SEM1: variants seen among roughly 807,000 people sequenced by gnomAD.
The protein encoded by SEM1 is SEM1 26S proteasome subunit, also known as 26S proteasome complex subunit SEM1.
Under a neutral mutation model 12.7 loss-of-function variants are expected in SEM1, and 3 were observed. The ratio of observed to expected loss-of-function variants is 0.24; its 90% CI spans 0.11 to 0.61. SEM1 has a LOEUF of 0.61. SEM1 is among the 20% of genes least tolerant of loss of function. SEM1 has a pLI of 0.88. For missense variants in SEM1, 59 were observed against 81.3 expected, an observed-to-expected ratio of 0.73 and a Z score of 1.06; for synonymous variants, 30 against 27.8, an observed-to-expected ratio of 1.08 and a Z score of -0.25.
In SEM1 at chr7:96,664,891, A is replaced by G. The variant is rs1031993918; in HGVS notation, c.170+29907T>C. On this transcript the variant is annotated intron_variant, in intron 2 of 2. Coordinates refer to the SEM1 transcript ENST00000417009. The stretch of plus-strand genomic sequence containing the variant: ...GAAATAATGAATAAACCACAGATAC[A>G]CGAAATAAAATGCTAACACCCACAA... Among the ~76,000 whole-genome samples, 5 of 152,342 alleles carry G rather than the reference A, an allele frequency of 3.3e-5. No individual in the cohort carries two copies. In the South Asian group the frequency reaches 1.0e-3, roughly 32 times the overall value.
intron 2 of SEM1, among the ~76,000 whole-genome samples, chr7:96,584,503 G>C (rs1806539045): frequency 1.3e-5 from 2 of 151,990 alleles, no homozygotes; most frequent in African/African-American, 4.8e-5. Context: ...TCCTGAATCT[G>C]AACGTTGGCC....
intron 3 of SEM1, among the ~76,000 whole-genome samples, chr7:96,505,390 C>T (rs2117280083): frequency 6.6e-6 from 1 of 152,236 alleles, no homozygotes; most frequent in South Asian, 2.1e-4. Context: ...AGGTGTGAGC[C>T]ACTGTGCCTG....
At chr7:96,652,768 T>A (rs12216616) in intron 2 of SEM1, among the ~76,000 whole-genome samples, 2 of 152,066 alleles carry the variant, frequency 1.3e-5, no homozygotes, top group Non-Finnish European at 2.9e-5. Context: ...GTTAATTGTG[T>A]GAATTAAAAC....
At chr7:96,589,143 G>A (rs1433566120) in intron 2 of SEM1, among the ~76,000 whole-genome samples, 1 of 152,190 alleles carries the variant, frequency 6.6e-6, no homozygotes, top group East Asian at 1.9e-4. Flanking sequence ...GAGGCCTGTT[G>A]ACCTGGTCTC....
Position 96,622,641 on chromosome 7 carries a change from GC to G in SEM1, c.172del (p.Ala58LeufsTer?), listed in dbSNP as rs780707045. The G allele has an allele frequency of 2.6e-6, 2 of 764,646 alleles. No homozygotes were observed. Among genetic ancestry groups the G allele is most frequent in the Admixed American group, 3.4e-5 (2 of 58,972 alleles). The allele number at this position is 764,646 out of a possible 1,614,324, so 47.4% of individuals were successfully genotyped here. A position where few individuals can be genotyped will look rare whatever the true frequency, so the allele number is the denominator to read the frequency against. ...CTATTCCTCCAGTTCACTGTATCCA[GC>G]CCTGGAAAAATTAGAAAGTAGGTGA... is the stretch of plus-strand genomic sequence containing the variant. On this transcript the variant is annotated frameshift_variant and splice_region_variant, in exon 3 of 3. Coordinates refer to the SEM1 transcript ENST00000417009. LOFTEE classifies it high-confidence loss of function.
intron 2 of SEM1, among the ~76,000 whole-genome samples, chr7:96,648,859 G>A (rs1390313606): frequency 6.6e-6 from 1 of 152,226 alleles, no homozygotes; most frequent in African/African-American, 2.4e-5. Context: ...CCTAGGGGTG[G>A]GGCGTGGTGC....
chr7:96,556,026 TG>T (rs1805482952), intron 2 of SEM1, among the ~76,000 whole-genome samples: 1 of 143,646 alleles, frequency 7.0e-6, no homozygotes, highest in Non-Finnish European at 1.6e-5. Context: ...TGCCTTTTTT[TG>T]TTTTCCATTT....
intron 2 of SEM1, among the ~76,000 whole-genome samples, chr7:96,608,891 A>C (rs1807462372): frequency 6.6e-6 from 1 of 152,300 alleles, no homozygotes; most frequent in East Asian, 1.9e-4. Context: ...ATTTGTGTAC[A>C]CATTTTTGTG....
At chr7:96,571,240 T>G (rs1431720172) in intron 2 of SEM1, among the ~76,000 whole-genome samples, 1 of 152,186 alleles carries the variant, frequency 6.6e-6, no homozygotes, top group East Asian at 1.9e-4. Flanking sequence ...TGGCTTTTGT[T>G]GCCATGCTTT....
intron 2 of SEM1, among the ~76,000 whole-genome samples, chr7:96,514,469 ATAAAAC>A (rs1804028522): frequency 6.6e-6 from 1 of 152,146 alleles, no homozygotes; most frequent in Non-Finnish European, 1.5e-5. Context: ...GAAAGAAGAA[ATAAAAC>A]TGTCTTTCTT....
chr7:96,497,892 C>T (rs1275498778), upstream of SEM1, among the ~76,000 whole-genome samples: 1 of 152,154 alleles, frequency 6.6e-6, no homozygotes, highest in Admixed American at 6.5e-5. Context: ...ATTATATTCT[C>T]TATGTGCTAA....
chr7:96,633,749 C>G (rs1808344061), intron 2 of SEM1, among the ~76,000 whole-genome samples: 2 of 152,022 alleles, frequency 1.3e-5, no homozygotes, highest in Non-Finnish European at 2.9e-5. Flanking sequence ...CAAGAATACT[C>G]ATCATTATTG....
At chr7:96,613,791 T>A (rs1396936272) in intron 2 of SEM1, among the ~76,000 whole-genome samples, 1 of 152,254 alleles carries the variant, frequency 6.6e-6, no homozygotes, top group African/African-American at 2.4e-5. Flanking sequence ...AGTGATGTCA[T>A]ACACTATTTG....
intron 2 of SEM1, among the ~76,000 whole-genome samples, chr7:96,677,882 C>T (rs1377244932): frequency 2.0e-4 from 30 of 152,072 alleles, no homozygotes; most frequent in Non-Finnish European, 1.5e-5. Flanking sequence ...CCAATGTCCA[C>T]TATGGTATTT....
At chr7:96,499,369 C>T (rs751672808), upstream of SEM1, among the ~76,000 whole-genome samples, 3 of 152,124 alleles carry the variant, frequency 2.0e-5, no homozygotes, top group South Asian at 2.1e-4. Flanking sequence ...CTGAGACTCT[C>T]ATAAGTAGAT....
At chr7:96,674,547 C>G (rs1284577994) in intron 2 of SEM1, among the ~76,000 whole-genome samples, 1 of 151,724 alleles carries the variant, frequency 6.6e-6, no homozygotes, top group Non-Finnish European at 1.5e-5. Flanking sequence ...GCCTGTGGTC[C>G]CAGAAGATAC....
intron 2 of SEM1, among the ~76,000 whole-genome samples, chr7:96,601,966 C>G (rs909885683): frequency 6.6e-6 from 1 of 152,082 alleles, no homozygotes; most frequent in Non-Finnish European, 1.5e-5. Context: ...TGCAGAGTTT[C>G]TGGAATTTCT....
intron 2 of SEM1, among the ~76,000 whole-genome samples, chr7:96,584,968 C>G (rs546126603): frequency 6.6e-6 from 1 of 151,434 alleles, no homozygotes; most frequent in African/African-American, 2.4e-5. Flanking sequence ...TCTCTCAGCT[C>G]GTCAAAGTCA....
At chr7:96,577,597 A>C (rs190326678) in intron 2 of SEM1, among the ~76,000 whole-genome samples, 1 of 152,264 alleles carries the variant, frequency 6.6e-6, no homozygotes, top group East Asian at 1.9e-4. Context: ...AAGCCTTTAC[A>C]TGGATTTGGG....
Sources: allele counts gnomAD v4.1 joint callset (sites outside exome capture counted in the v4.1 genomes callset), GRCh38; gene constraint gnomAD v4.1.1; transcripts MANE v1.5; gene names NCBI Gene and HGNC (gene_info 2026-07-23, HGNC 2026-07-21).